The following CLEC4C variants were observed in gnomAD, a reference collection of about 807,000 sequenced individuals.
CLEC4C encodes C-type (calcium dependent, carbohydrate-recognition domain) lectin, superfamily member 11.
Under a neutral mutation model 27.7 loss-of-function variants are expected in CLEC4C, and 17 were observed. The observed-to-expected ratio is 0.61, with a 90% CI of 0.42 to 0.92. The LOEUF (loss-of-function observed/expected upper bound fraction) is 0.92, where lower values mean the gene tolerates loss of function less well. Ranked by LOEUF, CLEC4C falls within the 40% of genes least tolerant of loss-of-function variation. The pLI is 0.00. For missense variants in CLEC4C, 244 were observed against 257.3 expected (o/e 0.95, Z 0.35); for synonymous variants, 80 against 80.8 (o/e 0.99, Z 0.06).
intron 2 of CLEC4C, among the ~76,000 whole-genome samples, 176 bp from the exon 3 acceptor site, chr12:7,741,707 G>A (rs1490199407): frequency 1.3e-5 from 2 of 152,046 alleles, no homozygotes; most frequent in African/African-American, 4.8e-5. Context: ...GGCTAACATG[G>A]TGAAACCCCG....
chr12:7,732,574 G>A (rs184408994), intron 4 of CLEC4C, among the ~76,000 whole-genome samples: 3 of 149,038 alleles, frequency 2.0e-5, no homozygotes, highest in Non-Finnish European at 4.5e-5. Flanking sequence ...GGATGGTCTC[G>A]ATCTCCTGAC....
Position 7,737,487 on chromosome 12 carries a change from T to G in CLEC4C, c.323A>C (p.Gln108Pro), listed in dbSNP as rs1864754884. 1.2e-6 allele frequency: 2 copies of G among 1,613,936 alleles called. No individual in the cohort carries two copies. Among genetic ancestry groups the G allele is most frequent in the Non-Finnish European group, 1.7e-6 (2 of 1,179,998 alleles). The change falls in exon 4 of 6, where the codon CAA (glutamine) becomes CCA (proline). Residue 108 changes from glutamine to proline, a missense_variant. Gln to Pro is a moderately conservative substitution (Grantham distance 76, BLOSUM62 -1). Transcript: ENST00000360345. ...AGCCCCCATCACAGAACAGTTCTTTTGACTCTTAGTCCAAGATTGCATCCC... is the reference window on the plus strand; with the variant it reads ...AGCCCCCATCACAGAACAGTTCTTTGGACTCTTAGTCCAAGATTGCATCCC... ...STGMQSWTKS[Q>P]KNCSVMGADL...
At chr12:7,731,479 G>A (rs1471670648) in intron 4 of CLEC4C, among the ~76,000 whole-genome samples, 2 of 152,082 alleles carry the variant, frequency 1.3e-5, no homozygotes, top group African/African-American at 4.8e-5. Context: ...GCCACCTTTC[G>A]TATTTCTTTC....
chr12:7,744,113 A>G (rs1864921014), intron 2 of CLEC4C, among the ~76,000 whole-genome samples: 1 of 152,178 alleles, frequency 6.6e-6, no homozygotes, highest in Admixed American at 6.6e-5. Context: ...TGCATCACTC[A>G]AAACCTCCTG....
At chr12:7,739,557 C>T (rs539684062) in intron 3 of CLEC4C, among the ~76,000 whole-genome samples, 4 of 152,152 alleles carry the variant, frequency 2.6e-5, no homozygotes, top group Non-Finnish European at 5.9e-5. Context: ...TGATCCTGGA[C>T]ACAGCCGACC....
At chr12:7,735,348 CA>C (rs1864698245) in intron 4 of CLEC4C, among the ~76,000 whole-genome samples, 1 of 151,126 alleles carries the variant, frequency 6.6e-6, no homozygotes, top group South Asian at 2.1e-4. Context: ...ACTAAAAATA[CA>C]AAAATTAGCT....
rs147276775 is a variant in CLEC4C at position 7,742,621 on chromosome 12, C to T, written c.125-1090G>A. ...GTCAGGAGTTTGAGACCAGCCTGAC[C>T]GACATGGTGAAACCCCATCTCTACT... On this transcript the variant is annotated intron_variant, in intron 2 of 5. Coordinates refer to ENST00000360345, the MANE Select transcript of CLEC4C (RefSeq NM_001371390.1). 1.4e-3 allele frequency among the ~76,000 whole-genome samples: 207 copies of T among 151,554 alleles called. 1 individual carries two copies. Among genetic ancestry groups the T allele is most frequent in the African/African-American group, 4.9e-3 (202 of 41,302 alleles).
At position 7,740,159 on chromosome 12, in the gene CLEC4C, G is replaced by A. The variant is rs756046500; in HGVS notation, c.235+1262C>T. Among the ~76,000 whole-genome samples, 13 of 151,094 alleles carry A rather than the reference G, an allele frequency of 8.6e-5. No individual in the cohort carries two copies. In the East Asian group the frequency reaches 2.6e-3, roughly 30 times the overall value. ...TGGGTGATTTATTTTTAAGTATTTT[G>A]TAGAGTTGAGGTCCCATCTTGTTTC... is the stretch of plus-strand genomic sequence containing the variant. On this transcript the variant is annotated intron_variant, in intron 3 of 5. Coordinates refer to ENST00000360345, the MANE Select transcript of CLEC4C (RefSeq NM_001371390.1).
chr12:7,741,270 G>A lies in CLEC4C; in HGVS notation c.235+151C>T, dbSNP rs1025398575. 6.9e-6 allele frequency: 4 copies of A among 583,024 alleles called. No homozygotes were observed. The Admixed American group carries it at 1.2e-4, about 17-fold the overall frequency. 36.1% of individuals were successfully genotyped at this position (583,024 alleles called of 1,614,324 possible). A position where few individuals can be genotyped will look rare whatever the true frequency, so the allele number is the denominator to read the frequency against. On this transcript the variant is annotated intron_variant, in intron 3 of 5. Coordinates refer to ENST00000360345, the MANE Select transcript of CLEC4C (RefSeq NM_001371390.1). ...TGTGAGCCATTGGGCCCAGCCTGAGGTGTCTATTTAAGATACCAAGTAGAT... is the reference window on the plus strand; with the variant it reads ...TGTGAGCCATTGGGCCCAGCCTGAGATGTCTATTTAAGATACCAAGTAGAT...
At position 7,741,370 on chromosome 12, in the gene CLEC4C, G is replaced by C. The variant is rs757693069; in HGVS notation, c.235+51C>G. On this transcript the variant is annotated intron_variant, in intron 3 of 5. Coordinates refer to ENST00000360345, the MANE Select transcript of CLEC4C (RefSeq NM_001371390.1). ...GCTGAAGATATAAACCATCAGACTA[G>C]GAATTTGATTAATAGCAAGGGAAGT... The C allele has an allele frequency of 3.0e-6, 3 of 1,002,906 alleles. No homozygotes were observed. In the African/African-American group the frequency reaches 4.7e-5, roughly 16 times the overall value. The allele number at this position is 1,002,906 out of a possible 1,614,324, so 62.1% of individuals were successfully genotyped here. A position where few individuals can be genotyped will look rare whatever the true frequency, so the allele number is the denominator to read the frequency against.
intron 4 of CLEC4C, among the ~76,000 whole-genome samples, chr12:7,737,060 G>A (rs10845806): frequency 0.15 from 22,414 of 151,624 alleles, 1,732 homozygotes; most frequent in East Asian, 0.32. Flanking sequence ...GTGAAACCTC[G>A]TCTCTTCTAA....
intron 4 of CLEC4C, among the ~76,000 whole-genome samples, chr12:7,735,228 C>G (rs914139420): frequency 1.3e-5 from 2 of 151,062 alleles, no homozygotes; most frequent in African/African-American, 4.9e-5. Flanking sequence ...AAGATCTGGG[C>G]ACAGTGGCCC....
rs568211639 is a variant in CLEC4C at position 7,746,736 on chromosome 12, A to G, written c.32-313T>C. ...AGGCTTAAGTGGTCCTCCTGCCTCAACCTCTGAGTAGCTGGGACTTTAGGC... is the reference window on the plus strand; with the variant it reads ...AGGCTTAAGTGGTCCTCCTGCCTCAGCCTCTGAGTAGCTGGGACTTTAGGC... On this transcript the variant is annotated intron_variant, in intron 1 of 5. Coordinates refer to ENST00000360345, the MANE Select transcript of CLEC4C (RefSeq NM_001371390.1). 7.2e-5 allele frequency among the ~76,000 whole-genome samples: 11 copies of G among 152,176 alleles called. No individual in the cohort carries two copies. The East Asian group carries it at 1.4e-3, about 19-fold the overall frequency.
chr12:7,729,460 G>C lies in CLEC4C; in HGVS notation c.*136C>G. ...AATGTGTGAATGGATTATATCATAA[G>C]TGTAATAGGTGACAGCCTGCTGAAA... On this transcript the variant is annotated 3_prime_UTR_variant, in exon 6 of 6. Coordinates refer to ENST00000360345, the MANE Select transcript of CLEC4C (RefSeq NM_001371390.1). 3.0e-6 allele frequency: 2 copies of C among 675,980 alleles called. No homozygotes were observed. Among genetic ancestry groups the C allele is most frequent in the South Asian group, 3.8e-5 (2 of 52,934 alleles). 41.9% of individuals were successfully genotyped at this position (675,980 alleles called of 1,614,324 possible).
At chr12:7,737,882 A>C (rs77915217) in intron 3 of CLEC4C, among the ~76,000 whole-genome samples, 2,070 of 152,274 alleles carry the variant, frequency 0.014, 52 homozygotes, top group African/African-American at 0.046. Context: ...TATGTTACCA[A>C]AGAAAAAAAA....
At chr12:7,736,113 T>C (rs2120387116) in intron 4 of CLEC4C, among the ~76,000 whole-genome samples, 1 of 151,972 alleles carries the variant, frequency 6.6e-6, no homozygotes, top group South Asian at 2.1e-4. Flanking sequence ...GAAACCCCCG[T>C]CTCTACTAAA....
At chr12:7,736,722 C>T (rs886668907) in intron 4 of CLEC4C, among the ~76,000 whole-genome samples, 1 of 151,788 alleles carries the variant, frequency 6.6e-6, no homozygotes, top group Non-Finnish European at 1.5e-5. Flanking sequence ...TCCTGGCTAA[C>T]ACAGTGAAAC....
intron 4 of CLEC4C, among the ~76,000 whole-genome samples, chr12:7,735,375 C>T (rs766974139): frequency 1.3e-5 from 2 of 151,504 alleles, no homozygotes; most frequent in Admixed American, 1.3e-4. Context: ...TGGTTGCAGG[C>T]GCCTGTAATC....
At chr12:7,729,884 T>C (rs1864553789) in intron 5 of CLEC4C, 144 bp from the exon 6 acceptor site, 1 of 702,324 alleles carries the variant, frequency 1.4e-6, no homozygotes, top group South Asian at 1.9e-5. Flanking sequence ...CCACGTTTTG[T>C]AAAACCTCAT....
Sources: allele counts gnomAD v4.1 joint callset (sites outside exome capture counted in the v4.1 genomes callset), GRCh38; gene constraint gnomAD v4.1.1; transcripts MANE v1.5; gene names NCBI Gene and HGNC (gene_info 2026-07-23, HGNC 2026-07-21).